The following NAALAD2 variants were observed in gnomAD, a reference collection of about 807,000 sequenced individuals.
NAALAD2 encodes the protein N-acetylated-alpha-linked acidic dipeptidase 2.
In NAALAD2, 89 loss-of-function variants were observed where a neutral mutation model predicts 95.6. That is an observed-to-expected ratio of 0.93 (90% confidence interval 0.78 to 1.11). The LOEUF (loss-of-function observed/expected upper bound fraction) is 1.11. Ranked by LOEUF, NAALAD2 falls within the 50% of genes least tolerant of loss-of-function variation. The pLI, the probability that NAALAD2 is intolerant of heterozygous loss-of-function variation, is 0.00. For missense variants in NAALAD2, 894 were observed against 872.4 expected, an observed-to-expected ratio of 1.02 and a Z score of -0.31; for synonymous variants, 264 against 294.4, an observed-to-expected ratio of 0.90 and a Z score of 1.06.
At position 90,192,842 on chromosome 11, in the gene NAALAD2, A is replaced by G. The variant is rs1420878083; in HGVS notation, c.*1095A>G. ...TTATGCAGATCCCAGTGACTCAATT[A>G]CATGTTCAACTATGATTAAAGCTTC... On this transcript the variant is annotated 3_prime_UTR_variant, in exon 19 of 19. Coordinates refer to ENST00000534061, the MANE Select transcript of NAALAD2 (RefSeq NM_005467.4). 6.6e-6 allele frequency: 1 copy of G among 152,020 alleles called. No individual in the cohort carries two copies. The highest frequency in any genetic ancestry group is 1.5e-5 in the Non-Finnish European group (1 of 67,910). The allele number at this position is 152,020 out of a possible 1,614,324, so 9.4% of individuals were successfully genotyped here.
chr11:90,189,614 C>T (rs995096798), intron 18 of NAALAD2, among the ~76,000 whole-genome samples: 1 of 151,880 alleles, frequency 6.6e-6, no homozygotes, highest in African/African-American at 2.4e-5. Flanking sequence ...ACTAAAAATA[C>T]AAAAATTAGC....
chr11:90,158,307 C>A, intron 7 of NAALAD2, 69 bp downstream of exon 7: 1 of 1,104,380 alleles, frequency 9.1e-7, no homozygotes, highest in Non-Finnish European at 1.4e-6. Context: ...CATTGAAAAC[C>A]AATATGGCAT....
chr11:90,181,692 AT>A lies in NAALAD2; in HGVS notation c.1932del (p.Asn646ThrfsTer6). On this transcript the variant is annotated frameshift_variant, in exon 17 of 19. Coordinates refer to ENST00000534061, the MANE Select transcript of NAALAD2 (RefSeq NM_005467.4). LOFTEE classifies it high-confidence loss of function. ...TTTCATAAACGACTTATACAAGTTG[AT>A]CTTAACAAGTAAGTTTCAAATCCCT... Reference protein sequence around the residue: ...SDFHKRLIQVDLNNPIAVRMM... With the variant: ...SDFHKRLIQVXLNNPIAVRMM... 6.3e-7 allele frequency: 1 copy of A among 1,585,708 alleles called. No individual in the cohort carries two copies.
At chr11:90,144,252 G>A (rs1951693913) in intron 2 of NAALAD2, among the ~76,000 whole-genome samples, 1 of 152,150 alleles carries the variant, frequency 6.6e-6, no homozygotes, top group African/African-American at 2.4e-5. Context: ...ATACCTAGAA[G>A]GTGTAGTGGG....
intron 2 of NAALAD2, among the ~76,000 whole-genome samples, chr11:90,140,504 T>C (rs1240618466): frequency 6.6e-6 from 1 of 151,996 alleles, no homozygotes; most frequent in African/African-American, 2.4e-5. Context: ...TTTTTTTAAA[T>C]TGCTGCAAAT....
intron 18 of NAALAD2, among the ~76,000 whole-genome samples, chr11:90,185,362 T>C (rs780940298): frequency 6.6e-6 from 1 of 152,142 alleles, no homozygotes; most frequent in Non-Finnish European, 1.5e-5. Flanking sequence ...GTTACAATTT[T>C]ATTTTTTTCC....
chr11:90,156,648 C>T (rs1952126222), intron 6 of NAALAD2, among the ~76,000 whole-genome samples: 1 of 152,012 alleles, frequency 6.6e-6, no homozygotes, highest in Non-Finnish European at 1.5e-5. Flanking sequence ...TGCAGTGGTC[C>T]AACCATCGCT....
rs367942966 is a variant in NAALAD2, at chr11:90,187,744, C to T, written c.2034-3814C>T. Among the ~76,000 whole-genome samples, 4 of 152,222 alleles carry T rather than the reference C, an allele frequency of 2.6e-5. No individual in the cohort carries two copies. In the East Asian group the frequency reaches 5.8e-4, roughly 22 times the overall value. The stretch of plus-strand genomic sequence containing the variant: ...GGATCAATGACATTTTTAAGATCTG[C>T]TATTTTATGAACCTCAAGAATGGAG... On this transcript the variant is annotated intron_variant, in intron 18 of 18. Coordinates refer to ENST00000534061, the MANE Select transcript of NAALAD2 (RefSeq NM_005467.4).
chr11:90,185,452 C>G (rs2099605285), intron 18 of NAALAD2, among the ~76,000 whole-genome samples: 1 of 152,060 alleles, frequency 6.6e-6, no homozygotes, highest in Admixed American at 6.6e-5. Flanking sequence ...AGGAGGATCG[C>G]TTGAGGCCAG....
chr11:90,150,626 T>G lies in NAALAD2; in HGVS notation c.609+19T>G. On this transcript the variant is annotated intron_variant, in intron 5 of 18. Coordinates refer to ENST00000534061, the MANE Select transcript of NAALAD2 (RefSeq NM_005467.4). ...AAATAAAGTACAGTATTATTTGTTT[T>G]TCTACAGAGAATGAGAGGATATATA... 1 of 1,566,420 alleles carries G rather than the reference T, an allele frequency of 6.4e-7. No individual in the cohort carries two copies. The highest frequency in any genetic ancestry group is 8.7e-7 in the Non-Finnish European group (1 of 1,145,242).
upstream of NAALAD2, among the ~76,000 whole-genome samples, chr11:90,132,438 T>G (rs1248522938): frequency 6.6e-6 from 1 of 152,212 alleles, no homozygotes; most frequent in Non-Finnish European, 1.5e-5. Flanking sequence ...ATAATTTTGA[T>G]CTGCCTCTTG....
intron 16 of NAALAD2, among the ~76,000 whole-genome samples, chr11:90,180,162 T>C (rs1462163049): frequency 6.6e-6 from 1 of 152,152 alleles, no homozygotes; most frequent in Non-Finnish European, 1.5e-5. Flanking sequence ...TGCTGTCTTA[T>C]GTCCTTTCTA....
intron 18 of NAALAD2, 101 bp from the exon 19 acceptor site, chr11:90,191,456 CA>C (rs770854005): frequency 4.0e-6 from 3 of 756,822 alleles, no homozygotes; most frequent in Non-Finnish European, 5.8e-6. Context: ...ATTATAGGAA[CA>C]AAAGTGAGTA....
intron 14 of NAALAD2, 77 bp from the exon 15 acceptor site, chr11:90,175,895 C>A: frequency 1.2e-6 from 1 of 806,628 alleles, no homozygotes; most frequent in Non-Finnish European, 2.0e-6. Flanking sequence ...ATTCCTTGTC[C>A]CATCTATTTA....
Position 90,155,877 on chromosome 11 carries a change from G to A in NAALAD2, c.797-2268G>A, listed in dbSNP as rs866145750. On this transcript the variant is annotated intron_variant, in intron 6 of 18. Coordinates refer to ENST00000534061, the MANE Select transcript of NAALAD2 (RefSeq NM_005467.4). Reference sequence around the variant, plus strand: ...TATTATATTATATATAATATGTAATGTATATGTAATATATATTATATATTA... The same window carrying A: ...TATTATATTATATATAATATGTAATATATATGTAATATATATTATATATTA... Among the ~76,000 whole-genome samples the A allele has an allele frequency of 1.3e-3, 178 of 138,468 alleles. 1 individual carries two copies. The highest frequency in any genetic ancestry group is 4.4e-3 in the African/African-American group (166 of 37,512). 90.8% of individuals were successfully genotyped at this position (138,468 alleles called of 152,430 possible). A position where few individuals can be genotyped will look rare whatever the true frequency, so the allele number is the denominator to read the frequency against.
At chr11:90,148,010 G>A (rs926603099) in intron 3 of NAALAD2, among the ~76,000 whole-genome samples, 56 of 152,284 alleles carry the variant, frequency 3.7e-4, no homozygotes, top group African/African-American at 1.3e-3. Context: ...ATATGAAGTA[G>A]GCCACGATAT....
intron 5 of NAALAD2, 60 bp from the exon 6 acceptor site, chr11:90,152,238 T>G (rs774307503): frequency 2.8e-6 from 4 of 1,431,622 alleles, no homozygotes; most frequent in Non-Finnish European, 3.8e-6. Context: ...ATGTCTTTCT[T>G]ATATGAATAA....
chr11:90,168,319 C>T (rs896045649), intron 11 of NAALAD2, among the ~76,000 whole-genome samples: 5 of 152,208 alleles, frequency 3.3e-5, no homozygotes, highest in Non-Finnish European at 7.3e-5. Context: ...CGAGGGTCCG[C>T]GGCTTCATTC....
chr11:90,179,969 A>C (rs934520253), intron 16 of NAALAD2, among the ~76,000 whole-genome samples: 1 of 152,158 alleles, frequency 6.6e-6, no homozygotes, highest in East Asian at 1.9e-4. Context: ...CTTCTGCCTG[A>C]TGTGTCCCAC....
Sources: allele counts gnomAD v4.1 joint callset (sites outside exome capture counted in the v4.1 genomes callset), GRCh38; gene constraint gnomAD v4.1.1; transcripts MANE v1.5; gene names NCBI Gene and HGNC (gene_info 2026-07-23, HGNC 2026-07-21).